The following FMN1 variants were observed in gnomAD, a reference collection of about 807,000 sequenced individuals.
FMN1 encodes the protein formin-1.
Under a neutral mutation model 132.4 loss-of-function variants are expected in FMN1, and 110 were observed. The ratio of observed to expected loss-of-function variants is 0.83; its 90% CI spans 0.71 to 0.97. FMN1 has a LOEUF of 0.97. Ranked by LOEUF, FMN1 falls within the 50% of genes least tolerant of loss-of-function variation. The probability of loss-of-function intolerance (pLI) is 0.00; values close to 1 mark genes in which losing one functional copy is unlikely to be tolerated. For missense variants in FMN1, 1,792 were observed against 1,705.3 expected, an observed-to-expected ratio of 1.05 and a Z score of -0.90; for synonymous variants, 722 against 651.7, an observed-to-expected ratio of 1.11 and a Z score of -1.64.
intron 4 of FMN1, among the ~76,000 whole-genome samples, chr15:33,089,188 C>G (rs935977436): frequency 6.6e-6 from 1 of 152,200 alleles, no homozygotes; most frequent in Admixed American, 6.5e-5. Context: ...GCCCTCATCC[C>G]CCAAGTCTAT....
chr15:33,068,886 C>T (rs1484975219), intron 5 of FMN1, among the ~76,000 whole-genome samples: 2 of 152,206 alleles, frequency 1.3e-5, no homozygotes, highest in African/African-American at 4.8e-5. Flanking sequence ...CTCCCTGTGC[C>T]AACCGCAGGC....
intron 10 of FMN1, among the ~76,000 whole-genome samples, chr15:32,922,314 T>A (rs1019077471): frequency 2.0e-5 from 3 of 152,218 alleles, no homozygotes; most frequent in Non-Finnish European, 4.4e-5. Context: ...AGTTTAAGAT[T>A]AAGTCTGTAT....
At chr15:33,068,383 C>G (rs765276445) in intron 5 of FMN1, among the ~76,000 whole-genome samples, 1 of 152,132 alleles carries the variant, frequency 6.6e-6, no homozygotes, top group Non-Finnish European at 1.5e-5. Context: ...TTAGCCACTG[C>G]CCAGAGCAGC....
chr15:32,882,248 A>C lies in FMN1; in HGVS notation c.3835+5924T>G, dbSNP rs143549242. Among the ~76,000 whole-genome samples the C allele has an allele frequency of 4.9e-3, 749 of 152,346 alleles. 7 individuals are homozygous for C. Among genetic ancestry groups the C allele is most frequent in the African/African-American group, 0.017 (697 of 41,582 alleles). On this transcript the variant is annotated intron_variant, in intron 16 of 20. Coordinates refer to ENST00000616417, the MANE Select transcript of FMN1 (RefSeq NM_001277313.2). ...TTTTGTGCTTTTAGGGTGAGCCTGC[A>C]AACTGTAAAGGAACAAAGTACGGCA...
At chr15:33,123,100 A>G (rs571870331) in intron 4 of FMN1, among the ~76,000 whole-genome samples, 1 of 151,284 alleles carries the variant, frequency 6.6e-6, no homozygotes, top group South Asian at 2.1e-4. Flanking sequence ...AGAATCATCT[A>G]GAATGCCTTT....
At chr15:33,182,458 A>G (rs1412926203) in intron 2 of FMN1, among the ~76,000 whole-genome samples, 1 of 152,198 alleles carries the variant, frequency 6.6e-6, no homozygotes, top group Non-Finnish European at 1.5e-5. Flanking sequence ...AACCTGCCCT[A>G]TCACCTCACA....
intron 6 of FMN1, among the ~76,000 whole-genome samples, chr15:33,011,244 G>A (rs1325156604): frequency 6.6e-6 from 1 of 152,062 alleles, no homozygotes; most frequent in African/African-American, 2.4e-5. Flanking sequence ...AGTCCAGAAA[G>A]ATACCATGAT....
In FMN1 at chr15:33,171,936, G is replaced by A. The variant is rs576546253; in HGVS notation, c.-132+8262C>T. ...TAAAGAAATGTGTTTTTGGCCGGGC[G>A]CGGTGGCTCACGCCTGTAATCCCAG... On this transcript the variant is annotated intron_variant, in intron 3 of 20. Transcript: ENST00000616417. 6.3e-4 allele frequency among the ~76,000 whole-genome samples: 96 copies of A among 152,270 alleles called. 1 individual carries two copies. The highest frequency in any genetic ancestry group is 3.4e-3 in the Middle Eastern group (1 of 294).
intron 3 of FMN1, among the ~76,000 whole-genome samples, chr15:33,156,519 GACTC>G (rs1453354731): frequency 3.3e-5 from 5 of 151,672 alleles, no homozygotes; most frequent in African/African-American, 4.8e-5. Flanking sequence ...GGAAATCTTG[GACTC>G]AAGCGATCCT....
At chr15:32,775,594 T>A (rs571811302) in intron 20 of FMN1, among the ~76,000 whole-genome samples, 13 of 152,188 alleles carry the variant, frequency 8.5e-5, no homozygotes, top group Middle Eastern at 3.4e-3. Flanking sequence ...AAATATACCA[T>A]CAAACGGGTA....
intron 20 of FMN1, 133 bp from the exon 21 acceptor site, chr15:32,774,487 A>G (rs944031825): frequency 1.5e-6 from 1 of 669,012 alleles, no homozygotes; most frequent in African/African-American, 1.8e-5. Flanking sequence ...GAGTACCTCT[A>G]CTGCTTTCCC....
At chr15:32,787,980 A>T (rs1440039394) in intron 19 of FMN1, among the ~76,000 whole-genome samples, 1 of 152,234 alleles carries the variant, frequency 6.6e-6, no homozygotes, top group Non-Finnish European at 1.5e-5. Context: ...AAAGTAAAAA[A>T]CTTCTCTTAG....
intron 7 of FMN1, among the ~76,000 whole-genome samples, chr15:33,001,566 T>C (rs1482831042): frequency 3.4e-4 from 33 of 96,662 alleles, no homozygotes; most frequent in Admixed American, 4.4e-4. Flanking sequence ...TCCTCCCACT[T>C]CCCCCCCCAC....
At chr15:32,792,278 A>AG (rs2057109538) in intron 19 of FMN1, among the ~76,000 whole-genome samples, 1 of 149,040 alleles carries the variant, frequency 6.7e-6, no homozygotes, top group Non-Finnish European at 1.5e-5. Context: ...TCTCTACCAA[A>AG]AAAAAAAAAA....
At chr15:32,889,655 C>CT (rs1555487029) in intron 15 of FMN1, among the ~76,000 whole-genome samples, 1 of 152,196 alleles carries the variant, frequency 6.6e-6, no homozygotes, top group East Asian at 1.9e-4. Context: ...CATACTCATC[C>CT]TTTAAGTCTT....
At position 32,968,875 on chromosome 15, in the gene FMN1, A is replaced by C. The variant is rs74012406; in HGVS notation, c.2826T>G (p.Pro942=). ...NSPAPPNPGG[P]PPAPPPPGLA... ...GTCCTGGGGGTGGTGGAGCAGGAGG[A>C]GGCCCTCCAGGGTTGGGTGGGGCAG... Residue 942 remains proline, a synonymous_variant, in exon 8 of 21, where the codon CCT becomes CCG. Coordinates refer to ENST00000616417, the MANE Select transcript of FMN1 (RefSeq NM_001277313.2). 7.3e-3 allele frequency: 6,683 copies of C among 911,028 alleles called. 199 individuals are homozygous for C. The African/African-American group carries it at 0.086, about 12-fold the overall frequency. 56.4% of individuals were successfully genotyped at this position (911,028 alleles called of 1,614,324 possible). A position where few individuals can be genotyped will look rare whatever the true frequency, so the allele number is the denominator to read the frequency against.
At chr15:33,126,361 C>G (rs545115755) in intron 4 of FMN1, among the ~76,000 whole-genome samples, 5 of 152,266 alleles carry the variant, frequency 3.3e-5, no homozygotes, top group South Asian at 2.1e-4. Context: ...GGCAGGCAGT[C>G]CAGCAGAGCA....
intron 16 of FMN1, among the ~76,000 whole-genome samples, chr15:32,859,735 G>T (rs1277836291): frequency 6.6e-6 from 1 of 152,164 alleles, no homozygotes; most frequent in South Asian, 2.1e-4. Flanking sequence ...TCTGGCGAAA[G>T]CATCAGATTT....
rs545133163 is a variant in FMN1, at chr15:32,792,314, A to T, written c.4130+6490T>A. 8.0e-5 allele frequency among the ~76,000 whole-genome samples: 12 copies of T among 150,718 alleles called. No homozygotes were observed. The South Asian group carries it at 8.4e-4, about 11-fold the overall frequency. On this transcript the variant is annotated intron_variant, in intron 19 of 20. Coordinates refer to ENST00000616417, the MANE Select transcript of FMN1 (RefSeq NM_001277313.2). ...AAAAAAATTAGCCGGGCGTGGTGGC[A>T]GACGCCTGTAGTCCCAGCTACTTGG...
Sources: allele counts gnomAD v4.1 joint callset (sites outside exome capture counted in the v4.1 genomes callset), GRCh38; gene constraint gnomAD v4.1.1; transcripts MANE v1.5; gene names NCBI Gene and HGNC (gene_info 2026-07-23, HGNC 2026-07-21).